SMCO1: variants seen among roughly 807,000 people sequenced by gnomAD.
The protein encoded by SMCO1 is single-pass membrane and coiled-coil domain-containing protein 1.
SMCO1 carries 9 observed loss-of-function variants against 7.5 expected under a neutral mutation model. That is an observed-to-expected ratio of 1.20 (90% CI 0.72 to 2.09). The LOEUF is 2.09. Ranked by LOEUF, SMCO1 falls within the 30% of genes most tolerant of loss-of-function variation. The probability of loss-of-function intolerance (pLI) is 0.00; values close to 1 mark genes in which losing one functional copy is unlikely to be tolerated. For missense variants in SMCO1, 219 were observed against 253.1 expected, an observed-to-expected ratio of 0.87 and a Z score of 0.91; for synonymous variants, 90 against 93.8, an observed-to-expected ratio of 0.96 and a Z score of 0.23.
chr3:196,511,331 T>C (rs914672772), intron 1 of SMCO1, among the ~76,000 whole-genome samples: 36 of 141,400 alleles, frequency 2.5e-4, no homozygotes, highest in Admixed American at 1.8e-3. Flanking sequence ...TGAGGGAAAC[T>C]TGCCTGCGCC....
intron 1 of SMCO1, among the ~76,000 whole-genome samples, chr3:196,510,627 T>G (rs1218160047): frequency 6.6e-6 from 1 of 152,124 alleles, no homozygotes. Context: ...CTCTTATCCT[T>G]TCTTCCAGAA....
intron 2 of SMCO1, among the ~76,000 whole-genome samples, chr3:196,508,908 G>A (rs1733132483): frequency 7.6e-6 from 1 of 131,226 alleles, no homozygotes; most frequent in Non-Finnish European, 1.6e-5. Context: ...CTGCACTCCA[G>A]CCTGGGTGAC....
At chr3:196,512,555 A>G (rs551236606) in intron 1 of SMCO1, among the ~76,000 whole-genome samples, 1 of 124,226 alleles carries the variant, frequency 8.0e-6, no homozygotes, top group South Asian at 2.4e-4. Flanking sequence ...CTCTGTCGCC[A>G]GGCTGGAGTA....
At position 196,508,003 on chromosome 3, in the gene SMCO1, C is replaced by A; in HGVS notation, c.529G>T (p.Ala177Ser). The change falls in exon 3 of 3, where the codon GCT becomes TCT. Residue 177 changes from alanine (A) to serine (S), a missense_variant. Transcript: ENST00000397537. ...FLITNMVKNQ[A>S]LQDSLLRAVQ... is the part of the protein sequence containing the mutation. ...GCCCTCAGCAAACTGTCCTGCAGAG[C>A]CTGGTTCTTTACCATGTTAGTAATT... 2.5e-6 allele frequency: 4 copies of A among 1,614,158 alleles called. No individual in the cohort carries two copies. Among genetic ancestry groups the A allele is most frequent in the Non-Finnish European group, 3.4e-6 (4 of 1,180,028 alleles).
At chr3:196,517,619 C>T (rs902998068), upstream of SMCO1, among the ~76,000 whole-genome samples, 1 of 151,072 alleles carries the variant, frequency 6.6e-6, no homozygotes, top group African/African-American at 2.4e-5. Flanking sequence ...TAACAGCACC[C>T]CCCTGTGCCT....
chr3:196,515,998 T>G (rs1441634731), upstream of SMCO1, among the ~76,000 whole-genome samples: 3 of 76,454 alleles, frequency 3.9e-5, no homozygotes, highest in African/African-American at 2.6e-4. Flanking sequence ...GATATATATA[T>G]ATATATATAT....
intron 2 of SMCO1, among the ~76,000 whole-genome samples, chr3:196,509,265 T>C (rs1733149636): frequency 6.7e-6 from 1 of 148,894 alleles, no homozygotes; most frequent in East Asian, 2.0e-4. Flanking sequence ...AGGGTTTCAC[T>C]GTGTCAGCCA....
chr3:196,519,324 AT>A (rs1484191432), upstream of SMCO1, among the ~76,000 whole-genome samples: 1 of 152,202 alleles, frequency 6.6e-6, no homozygotes, highest in African/African-American at 2.4e-5. Flanking sequence ...CACGTGGTAT[AT>A]TTAAGCCAAC....
At position 196,508,295 on chromosome 3, in the gene SMCO1, G is replaced by A. The variant is rs535862473; in HGVS notation, c.237C>T (p.Tyr79=). ...TSMELNILYS[Y]VIEVLICLHT... ...GCAAGCAGATAAGTACTTCAATGAC[G>A]TAGCTGTATAAAATATTCAATTCCA... is the stretch of plus-strand genomic sequence containing the variant. Residue 79 remains tyrosine, a synonymous_variant, in exon 3 of 3, where the codon TAC becomes TAT. Transcript: ENST00000397537. The A allele has an allele frequency of 1.6e-5, 25 of 1,612,692 alleles. No individual in the cohort carries two copies. Among genetic ancestry groups the A allele is most frequent in the Middle Eastern group, 1.7e-4 (1 of 6,054 alleles).
upstream of SMCO1, among the ~76,000 whole-genome samples, chr3:196,517,163 A>G (rs578153813): frequency 5.6e-4 from 84 of 150,764 alleles, no homozygotes; most frequent in Non-Finnish European, 7.4e-4. Context: ...TTGTAGTATA[A>G]TATGAAATAT....
chr3:196,517,791 C>T (rs7651365), upstream of SMCO1, among the ~76,000 whole-genome samples: 52,738 of 151,900 alleles, frequency 0.35, 9,821 homozygotes, highest in African/African-American at 0.47. Context: ...TGCCTCAGCT[C>T]CCCTAGTAGC....
At chr3:196,519,058 G>C (rs2108666125), upstream of SMCO1, among the ~76,000 whole-genome samples, 1 of 152,326 alleles carries the variant, frequency 6.6e-6, no homozygotes, top group African/African-American at 2.4e-5. Context: ...AGCCTGCCCA[G>C]GTGTTGGTAA....
intron 1 of SMCO1, among the ~76,000 whole-genome samples, chr3:196,511,858 C>T (rs1733244478): frequency 7.4e-6 from 1 of 135,686 alleles, no homozygotes; most frequent in Non-Finnish European, 1.5e-5. Flanking sequence ...CCTGCCTGGG[C>T]TGCCTAGATT....
intron 1 of SMCO1, among the ~76,000 whole-genome samples, chr3:196,514,748 G>C (rs186536761): frequency 6.6e-6 from 1 of 152,250 alleles, no homozygotes; most frequent in Non-Finnish European, 1.5e-5. Context: ...TAATAGAGAC[G>C]GAATTCTTTT....
Position 196,509,630 on chromosome 3 carries a change from T to C in SMCO1, c.90A>G (p.Lys30=). Residue 30 remains lysine (K), a synonymous_variant, in exon 2 of 3, where the codon AAA becomes AAG. Coordinates refer to ENST00000397537, the MANE Select transcript of SMCO1 (RefSeq NM_001077657.3). ...GGTTATCCTTGGTGAAGTCTAGTTC[T>C]TTGAACTGTGTTTCTAACGCTTGGA... is the stretch of plus-strand genomic sequence containing the variant. ...HKLQALETQF[K]ELDFTKDNLM... 1 of 1,614,090 alleles carries C rather than the reference T, an allele frequency of 6.2e-7. No individual in the cohort carries two copies. Among genetic ancestry groups the C allele is most frequent in the Non-Finnish European group, 8.5e-7 (1 of 1,179,956 alleles).
intron 1 of SMCO1, among the ~76,000 whole-genome samples, chr3:196,512,163 T>C (rs962240533): frequency 6.6e-6 from 1 of 151,408 alleles, no homozygotes; most frequent in East Asian, 1.9e-4. Flanking sequence ...GCCATGTAGA[T>C]TGTGGTTATG....
At chr3:196,508,412 C>T (rs1429625171) in intron 2 of SMCO1, 81 bp from the exon 3 acceptor site, 2 of 1,157,148 alleles carry the variant, frequency 1.7e-6, no homozygotes, top group Non-Finnish European at 2.4e-6. Flanking sequence ...TAGGATAACT[C>T]AATATGAACC....
At chr3:196,519,396 C>T (rs779744953), upstream of SMCO1, among the ~76,000 whole-genome samples, 4 of 152,204 alleles carry the variant, frequency 2.6e-5, no homozygotes, top group Non-Finnish European at 5.9e-5. Flanking sequence ...CTGTAGCTTC[C>T]CAATTTTTCC....
chr3:196,515,362 A>G, upstream of SMCO1: 1 of 620,360 alleles, frequency 1.6e-6, no homozygotes, highest in Non-Finnish European at 2.9e-6. Context: ...GTCACTCAGT[A>G]CAAGAAGCTT....
Sources: gnomAD v4.1 joint callset for allele counts (sites outside exome capture counted in the v4.1 genomes callset) on GRCh38, gnomAD v4.1.1 for gene constraint, MANE v1.5 for transcripts, NCBI Gene and HGNC (gene_info 2026-07-23, HGNC 2026-07-21) for gene names.